Variants in ASTN2 observed in about 807,000 individuals in gnomAD.
ASTN2 encodes the protein astrotactin-2.
A neutral mutation model predicts 139.8 loss-of-function variants in ASTN2; 54 were observed. The observed-to-expected ratio is 0.39, with a 90% CI of 0.31 to 0.48. ASTN2 has a LOEUF of 0.48. ASTN2 is among the 20% of genes least tolerant of loss of function. The pLI, the probability that ASTN2 is intolerant of heterozygous loss-of-function variation, is 0.95. For synonymous variants in ASTN2, 756 were observed against 719.5 expected, an observed-to-expected ratio of 1.05 and a Z score of -0.81; for missense variants, 1,565 against 1,725.1, an observed-to-expected ratio of 0.91 and a Z score of 1.64.
chr9:117,351,535 C>T (rs1302183777), intron 1 of ASTN2, among the ~76,000 whole-genome samples: 1 of 152,146 alleles, frequency 6.6e-6, no homozygotes, highest in Non-Finnish European at 1.5e-5. Flanking sequence ...CCCCAGGAAA[C>T]CTTGCCTGAC....
intron 13 of ASTN2, among the ~76,000 whole-genome samples, chr9:116,804,417 A>G (rs774052798): frequency 1.3e-5 from 2 of 152,106 alleles, no homozygotes; most frequent in Non-Finnish European, 2.9e-5. Context: ...CCTACTTCCT[A>G]GAAGGGAGTC....
intron 2 of ASTN2, among the ~76,000 whole-genome samples, chr9:117,265,868 C>A (rs1833929183): frequency 6.6e-6 from 1 of 151,728 alleles, no homozygotes; most frequent in East Asian, 1.9e-4. Context: ...TTATCGAATA[C>A]CCTTAGGCCA....
At chr9:117,042,038 GCA>G (rs1365526932) in intron 5 of ASTN2, among the ~76,000 whole-genome samples, 1 of 152,138 alleles carries the variant, frequency 6.6e-6, no homozygotes, top group Non-Finnish European at 1.5e-5. Context: ...CCAGTAAATA[GCA>G]CAGTGACTGG....
intron 16 of ASTN2, among the ~76,000 whole-genome samples, chr9:116,655,301 C>T (rs1222365429): frequency 6.6e-6 from 1 of 152,226 alleles, no homozygotes; most frequent in East Asian, 1.9e-4. Flanking sequence ...TTCAACCTTA[C>T]CCTGTGGCTA....
intron 2 of ASTN2, chr9:117,277,191 G>A (rs1001744477): frequency 2.0e-5 from 3 of 152,120 alleles, no homozygotes; most frequent in African/African-American, 4.8e-5. Flanking sequence ...GTAGCTGCAC[G>A]CCCCTGCTAG....
chr9:117,062,579 T>G, intron 5 of ASTN2, among the ~76,000 whole-genome samples: 1 of 152,160 alleles, frequency 6.6e-6, no homozygotes, highest in Non-Finnish European at 1.5e-5. Context: ...AGAAAGGTTT[T>G]TTAAAAACCA....
chr9:116,572,460 G>A (rs954026267), intron 19 of ASTN2, among the ~76,000 whole-genome samples: 1 of 152,188 alleles, frequency 6.6e-6, no homozygotes, highest in Non-Finnish European at 1.5e-5. Flanking sequence ...AGAGGAATGG[G>A]TAGGGTCGCC....
chr9:117,149,744 G>A (rs954540287), intron 3 of ASTN2, among the ~76,000 whole-genome samples: 11 of 152,116 alleles, frequency 7.2e-5, no homozygotes, highest in Admixed American at 5.2e-4. Flanking sequence ...AGCAACTAGC[G>A]TTCCTTAGGC....
intron 4 of ASTN2, among the ~76,000 whole-genome samples, chr9:117,128,879 G>A (rs1176211640): frequency 6.6e-6 from 1 of 152,208 alleles, no homozygotes; most frequent in Non-Finnish European, 1.5e-5. Context: ...GAATGAGGAA[G>A]ATGCAAAAGC....
At chr9:117,304,526 C>T (rs1834952043) in intron 1 of ASTN2, among the ~76,000 whole-genome samples, 1 of 152,136 alleles carries the variant, frequency 6.6e-6, no homozygotes, top group African/African-American at 2.4e-5. Context: ...AGGGATCCTG[C>T]CGTATTTCCC....
chr9:116,764,319 C>A (rs1829750794), intron 13 of ASTN2, among the ~76,000 whole-genome samples: 1 of 152,184 alleles, frequency 6.6e-6, no homozygotes. Flanking sequence ...GCAGGAGTAT[C>A]AAGATCTAAA....
At chr9:116,818,226 C>A (rs539254921) in intron 12 of ASTN2, among the ~76,000 whole-genome samples, 7 of 152,290 alleles carry the variant, frequency 4.6e-5, no homozygotes, top group South Asian at 2.1e-4. Flanking sequence ...ATTTATTAAA[C>A]CTTCTCCTAC....
At chr9:116,844,224 T>A (rs1325833674) in intron 11 of ASTN2, among the ~76,000 whole-genome samples, 1 of 152,216 alleles carries the variant, frequency 6.6e-6, no homozygotes, top group Non-Finnish European at 1.5e-5. Flanking sequence ...CCTTCTTCCT[T>A]TTGATGTCCC....
intron 1 of ASTN2, among the ~76,000 whole-genome samples, chr9:117,324,219 A>G (rs1004329227): frequency 3.3e-5 from 5 of 152,220 alleles, no homozygotes; most frequent in African/African-American, 1.2e-4. Context: ...GAGAAAGGAC[A>G]AAAGTGTTCC....
intron 1 of ASTN2, among the ~76,000 whole-genome samples, chr9:117,321,539 A>G (rs993672796): frequency 5.3e-5 from 8 of 152,202 alleles, no homozygotes; most frequent in Non-Finnish European, 7.4e-5. Context: ...AATTCAGAGG[A>G]ATGGAATCAA....
intron 5 of ASTN2, among the ~76,000 whole-genome samples, chr9:117,054,875 G>A (rs554341168): frequency 6.6e-6 from 1 of 152,314 alleles, no homozygotes; most frequent in African/African-American, 2.4e-5. Flanking sequence ...AGGTGGGGGA[G>A]TATGATTTCA....
chr9:117,029,373 A>C (rs1838184613), intron 6 of ASTN2, among the ~76,000 whole-genome samples: 1 of 152,160 alleles, frequency 6.6e-6, no homozygotes, highest in Non-Finnish European at 1.5e-5. Flanking sequence ...GGAAGCCTGC[A>C]ATCATCCATT....
intron 3 of ASTN2, among the ~76,000 whole-genome samples, chr9:117,180,300 C>G (rs1831025761): frequency 6.6e-6 from 1 of 152,202 alleles, no homozygotes; most frequent in African/African-American, 2.4e-5. Context: ...TCTTCCTCTA[C>G]AGTCTGCTCT....
intron 5 of ASTN2, among the ~76,000 whole-genome samples, chr9:117,071,289 C>T (rs534599585): frequency 6.6e-6 from 1 of 151,360 alleles, no homozygotes; most frequent in Admixed American, 6.6e-5. Context: ...GTCAGTGTGC[C>T]CCTGCTGGGG....
Sources: allele counts gnomAD v4.1 joint callset (sites outside exome capture counted in the v4.1 genomes callset), GRCh38; gene constraint gnomAD v4.1.1; transcripts MANE v1.5; gene names NCBI Gene and HGNC (gene_info 2026-07-23, HGNC 2026-07-21).